INIP: variants seen among roughly 807,000 people sequenced by gnomAD.
The protein encoded by INIP is SOSS complex subunit C.
Under a neutral mutation model 14.0 loss-of-function variants are expected in INIP, and 9 were observed. The ratio of observed to expected loss-of-function variants is 0.64; its 90% CI spans 0.39 to 1.12. The LOEUF (loss-of-function observed/expected upper bound fraction) is 1.12, where lower values mean the gene tolerates loss of function less well. Among genes scored for constraint, INIP ranks in the 50% most tolerant of loss-of-function variants. INIP has a pLI of 0.01. For missense variants in INIP, 78 were observed against 122.7 expected (o/e 0.64, Z 1.72); for synonymous variants, 37 against 41.5 (o/e 0.89, Z 0.41).
At chr9:112,696,146 T>A (rs910201944) in intron 2 of INIP, among the ~76,000 whole-genome samples, 2 of 152,044 alleles carry the variant, frequency 1.3e-5, no homozygotes, top group African/African-American at 4.8e-5. Flanking sequence ...CCCACCTTAG[T>A]CTCACAAAGT....
chr9:112,694,140 G>C lies in INIP; in HGVS notation c.119C>G (p.Pro40Arg). The C allele has an allele frequency of 2.5e-6, 4 of 1,592,934 alleles. No individual in the cohort carries two copies. Among genetic ancestry groups the C allele is most frequent in the Non-Finnish European group, 2.6e-6 (3 of 1,165,854 alleles). ...LMQNQSSTNHPGASIALSRPS... is the reference protein window; with the variant it reads ...LMQNQSSTNHRGASIALSRPS... ...ATTATAGTGTCAATACCTAGCTCCA[G>C]GATGATTTGTTGAAGACTGGTTCTG... The change falls in exon 3 of 5, where the codon CCT becomes CGT. Residue 40 changes from proline (P) to arginine (R), a missense_variant. Transcript: ENST00000374242.
chr9:112,715,171 C>T (rs1838769894), intron 2 of INIP, among the ~76,000 whole-genome samples: 2 of 143,242 alleles, frequency 1.4e-5, no homozygotes, highest in Admixed American at 6.9e-5. Context: ...CACACACACA[C>T]ACACACACGG....
At chr9:112,711,018 GAA>G (rs943007670) in intron 2 of INIP, among the ~76,000 whole-genome samples, 1 of 139,258 alleles carries the variant, frequency 7.2e-6, no homozygotes. Context: ...GTTTCTACAG[GAA>G]AAAAAAAAAG....
chr9:112,716,111 C>T (rs184247298), intron 2 of INIP, among the ~76,000 whole-genome samples: 137 of 152,204 alleles, frequency 9.0e-4, no homozygotes, highest in Non-Finnish European at 1.6e-3. Context: ...CTCACTCTGT[C>T]GCCCAGGCTG....
In INIP at chr9:112,712,976, A is replaced by G. The variant is rs1373422200; in HGVS notation, c.25+3485T>C. 3.3e-5 allele frequency among the ~76,000 whole-genome samples: 5 copies of G among 152,300 alleles called. No individual in the cohort carries two copies. The East Asian group carries it at 9.6e-4, about 29-fold the overall frequency. Reference sequence around the variant, plus strand: ...CTAAAAGCAGCCAGAGAAAAATAACACATTACATACAGGATAAGAACACCA... The same window carrying G: ...CTAAAAGCAGCCAGAGAAAAATAACGCATTACATACAGGATAAGAACACCA... On this transcript the variant is annotated intron_variant, in intron 2 of 4. Transcript: ENST00000374242.
At chr9:112,713,930 G>A (rs1838724713) in intron 2 of INIP, among the ~76,000 whole-genome samples, 1 of 151,276 alleles carries the variant, frequency 6.6e-6, no homozygotes. Context: ...GTTGCAGTGA[G>A]CTGAGATCAC....
chr9:112,709,817 C>T (rs1415063812), intron 2 of INIP, among the ~76,000 whole-genome samples: 1 of 152,202 alleles, frequency 6.6e-6, no homozygotes, highest in Non-Finnish European at 1.5e-5. Context: ...CTCCTAACTA[C>T]ACAAACAGTC....
chr9:112,696,051 C>G (rs1238027050), intron 2 of INIP, among the ~76,000 whole-genome samples: 2 of 151,832 alleles, frequency 1.3e-5, no homozygotes, highest in Non-Finnish European at 2.9e-5. Flanking sequence ...GCATGCCCTA[C>G]TAATTTTTGT....
intron 2 of INIP, among the ~76,000 whole-genome samples, chr9:112,713,708 AG>A (rs1467248816): frequency 6.7e-6 from 1 of 150,072 alleles, no homozygotes; most frequent in Non-Finnish European, 1.5e-5. Flanking sequence ...AAGGTATCTG[AG>A]GCCGGGCACA....
In INIP at chr9:112,684,235, A is replaced by G. The variant is rs1466146834; in HGVS notation, c.*3303T>C. ...AAGACTTTACATACTAGTGGAACAG[A>G]CAATAGACAAAATAAGTAAGCCAGA... On this transcript the variant is annotated 3_prime_UTR_variant, in exon 5 of 5. Coordinates refer to ENST00000374242, the MANE Select transcript of INIP (RefSeq NM_021218.3). 1 of 152,190 alleles carries G rather than the reference A, an allele frequency of 6.6e-6. No individual in the cohort carries two copies. Among genetic ancestry groups the G allele is most frequent in the Non-Finnish European group, 1.5e-5 (1 of 68,032 alleles). The allele number at this position is 152,190 out of a possible 1,614,324, so 9.4% of individuals were successfully genotyped here.
At chr9:112,701,878 T>G in intron 2 of INIP, 1 of 151,398 alleles carries the variant, frequency 6.6e-6, no homozygotes, top group East Asian at 1.9e-4. Context: ...AGCGAGACCT[T>G]GTCTGTACAA....
rs964897733 is a variant in INIP at position 112,684,551 on chromosome 9, T to A, written c.*2987A>T. The A allele has an allele frequency of 3.9e-5, 6 of 152,106 alleles. No individual in the cohort carries two copies. Among genetic ancestry groups the A allele is most frequent in the African/African-American group, 1.2e-4 (5 of 41,402 alleles). The allele number at this position is 152,106 out of a possible 1,614,324, so 9.4% of individuals were successfully genotyped here. On this transcript the variant is annotated 3_prime_UTR_variant, in exon 5 of 5. Transcript: ENST00000374242. ...CAGCCTGGATGACAGAGCAGGACTG[T>A]CTCTTAAAAAACCAACACAATACAA...
At position 112,687,190 on chromosome 9, in the gene INIP, A is replaced by G. The variant is rs548957009; in HGVS notation, c.*348T>C. 16 of 174,432 alleles carry G rather than the reference A, an allele frequency of 9.2e-5. No individual in the cohort carries two copies. The South Asian group carries it at 2.6e-3, about 28-fold the overall frequency. The allele number at this position is 174,432 out of a possible 1,614,324, so 10.8% of individuals were successfully genotyped here. ...GTTTCTTTAAAGTTAAGTACTATAA[A>G]TGATTCTTGAAAATCTACTGTGGAC... On this transcript the variant is annotated 3_prime_UTR_variant, in exon 5 of 5. Coordinates refer to ENST00000374242, the MANE Select transcript of INIP (RefSeq NM_021218.3).
At chr9:112,700,799 C>A (rs1460919981) in intron 2 of INIP, among the ~76,000 whole-genome samples, 2 of 151,652 alleles carry the variant, frequency 1.3e-5, no homozygotes, top group East Asian at 1.9e-4. Context: ...ATAGTAACCT[C>A]CCTGTTTCCA....
intron 4 of INIP, 30 bp downstream of exon 4, chr9:112,689,497 C>T (rs755214109): frequency 1.1e-5 from 17 of 1,580,164 alleles, no homozygotes; most frequent in East Asian, 2.2e-5. Context: ...AAACCTCCAC[C>T]GAGGCAAGAA....
In INIP at chr9:112,687,520, C is replaced by T; in HGVS notation, c.*18G>A. ...CATTTGATATTACAAAGTCACTTTT[C>T]CATCGCAAATGTTTTCTTCATTCTG... On this transcript the variant is annotated 3_prime_UTR_variant, in exon 5 of 5. Transcript: ENST00000374242. 2 of 1,500,354 alleles carry T rather than the reference C, an allele frequency of 1.3e-6. No homozygotes were observed. The highest frequency in any genetic ancestry group is 1.4e-5 in the African/African-American group (1 of 72,766). The allele number at this position is 1,500,354 out of a possible 1,614,324, so 92.9% of individuals were successfully genotyped here. A position where few individuals can be genotyped will look rare whatever the true frequency, so the allele number is the denominator to read the frequency against.
At chr9:112,708,260 T>C (rs1162908073) in intron 2 of INIP, among the ~76,000 whole-genome samples, 2 of 152,186 alleles carry the variant, frequency 1.3e-5, no homozygotes, top group East Asian at 1.9e-4. Context: ...GAAGTGATGC[T>C]TGAACTGAAA....
chr9:112,695,737 A>G (rs904359780), intron 2 of INIP, among the ~76,000 whole-genome samples: 6 of 140,332 alleles, frequency 4.3e-5, no homozygotes, highest in South Asian at 5.3e-4. Flanking sequence ...AAGAAGAGGA[A>G]GAAGAGGAGG....
At chr9:112,714,628 A>G (rs1283619074) in intron 2 of INIP, among the ~76,000 whole-genome samples, 1 of 152,214 alleles carries the variant, frequency 6.6e-6, no homozygotes, top group African/African-American at 2.4e-5. Flanking sequence ...TTCAAGTAAA[A>G]GAGCAAGCGA....
Sources: allele counts gnomAD v4.1 joint callset (sites outside exome capture counted in the v4.1 genomes callset), GRCh38; gene constraint gnomAD v4.1.1; transcripts MANE v1.5; gene names NCBI Gene and HGNC (gene_info 2026-07-23, HGNC 2026-07-21).